ATP13A4: variants seen among roughly 807,000 people sequenced by gnomAD.
The protein encoded by ATP13A4 is probable cation-transporting ATPase 13A4.
In ATP13A4, 114 loss-of-function variants were observed where a neutral mutation model predicts 142.5. The ratio of observed to expected loss-of-function variants is 0.80; its 90% CI spans 0.69 to 0.93. The LOEUF is 0.93. Ranked by LOEUF, ATP13A4 falls within the 40% of genes least tolerant of loss-of-function variation. ATP13A4 has a pLI of 0.00. For synonymous variants in ATP13A4, 488 were observed against 514.8 expected, an observed-to-expected ratio of 0.95 and a Z score of 0.70; for missense variants, 1,392 against 1,454.0, an observed-to-expected ratio of 0.96 and a Z score of 0.69.
chr3:193,446,022 G>C (rs1716932521), intron 18 of ATP13A4, among the ~76,000 whole-genome samples: 1 of 151,964 alleles, frequency 6.6e-6, no homozygotes, highest in African/African-American at 2.4e-5. Flanking sequence ...TCTAAAGCAA[G>C]GCAAGTGGTG....
At chr3:193,549,884 T>C (rs566213845) in intron 1 of ATP13A4, among the ~76,000 whole-genome samples, 2 of 152,302 alleles carry the variant, frequency 1.3e-5, no homozygotes, top group African/African-American at 2.4e-5. Context: ...TTTTTAAGAA[T>C]AGAATTTTTA....
At position 193,421,579 on chromosome 3, in the gene ATP13A4, C is replaced by T. The variant is rs182490996; in HGVS notation, c.2843-6829G>A. Among the ~76,000 whole-genome samples the T allele has an allele frequency of 9.3e-5, 14 of 149,752 alleles. 3 individuals are homozygous for T. The Admixed American group carries it at 9.7e-4, about 10-fold the overall frequency. On this transcript the variant is annotated intron_variant, in intron 25 of 29. Transcript: ENST00000342695. ...CTAGTATGAAGTCTAAAAGCCAAAA[C>T]AGTCAAATATAATAGTAACTACAAT...
intron 2 of ATP13A4, among the ~76,000 whole-genome samples, chr3:193,513,058 T>C (rs921022342): frequency 6.6e-6 from 1 of 152,228 alleles, no homozygotes; most frequent in African/African-American, 2.4e-5. Flanking sequence ...AAATTATAGT[T>C]GAACTTGTGA....
chr3:193,570,774 G>A (rs559052169), intron 2 of ATP13A4, among the ~76,000 whole-genome samples: 3 of 152,072 alleles, frequency 2.0e-5, no homozygotes, highest in Non-Finnish European at 4.4e-5. Flanking sequence ...TGTGGTCAGG[G>A]GAAATTATTT....
intron 1 of ATP13A4, chr3:193,553,366 A>G (rs1723697578): frequency 6.6e-6 from 1 of 152,258 alleles, no homozygotes; most frequent in Admixed American, 6.5e-5. Flanking sequence ...AAATTGTCTG[A>G]GAGCAGAAAG....
intron 2 of ATP13A4, among the ~76,000 whole-genome samples, chr3:193,571,623 C>A (rs529728886): frequency 5.0e-4 from 76 of 152,256 alleles, no homozygotes; most frequent in African/African-American, 1.8e-3. Context: ...CAGTCTTCCT[C>A]CCAAAAACCT....
chr3:193,413,364 T>G (rs893340358), intron 26 of ATP13A4, among the ~76,000 whole-genome samples: 7 of 152,162 alleles, frequency 4.6e-5, no homozygotes, highest in Non-Finnish European at 8.8e-5. Context: ...AAAACATGTG[T>G]GTTTGAACAA....
chr3:193,508,138 A>G (rs1194350825), intron 2 of ATP13A4, among the ~76,000 whole-genome samples: 1 of 152,230 alleles, frequency 6.6e-6, no homozygotes, highest in Non-Finnish European at 1.5e-5. Context: ...TCTTCAAGCC[A>G]GGAAGAGAGG....
chr3:193,407,522 T>C, intron 28 of ATP13A4, 129 bp from the exon 29 acceptor site: 1 of 575,570 alleles, frequency 1.7e-6, no homozygotes, highest in South Asian at 2.1e-5. Context: ...GTATATTACA[T>C]ATATCTTATA....
intron 28 of ATP13A4, among the ~76,000 whole-genome samples, chr3:193,409,219 T>TA (rs946214396): frequency 9.9e-5 from 15 of 152,144 alleles, no homozygotes; most frequent in African/African-American, 3.4e-4. Context: ...TCCATCCTTT[T>TA]AAAAAAAACT....
chr3:193,480,603 G>A (rs1719234815), intron 8 of ATP13A4, among the ~76,000 whole-genome samples: 1 of 152,100 alleles, frequency 6.6e-6, no homozygotes, highest in Non-Finnish European at 1.5e-5. Context: ...TGCAAGAACG[G>A]CCATAATCAA....
At chr3:193,513,513 T>C (rs926642790) in intron 2 of ATP13A4, among the ~76,000 whole-genome samples, 1 of 152,202 alleles carries the variant, frequency 6.6e-6, no homozygotes, top group African/African-American at 2.4e-5. Context: ...CTTCAGCCTG[T>C]CAGCCACCAC....
intron 3 of ATP13A4, among the ~76,000 whole-genome samples, chr3:193,496,159 A>G (rs1720212505): frequency 6.6e-6 from 1 of 152,242 alleles, no homozygotes; most frequent in South Asian, 2.1e-4. Flanking sequence ...AAAGCAATGT[A>G]CAGATTCAAT....
chr3:193,479,942 A>C lies in ATP13A4; in HGVS notation c.808+3994T>G, dbSNP rs540884803. 1.6e-4 allele frequency among the ~76,000 whole-genome samples: 24 copies of C among 152,342 alleles called. No individual in the cohort carries two copies. The East Asian group carries it at 4.2e-3, about 27-fold the overall frequency. Reference sequence around the variant, plus strand: ...GGGATATAGACCAATGGAACACAATAGAGAACTTAGAAATAAAGCCAAACA... The same window carrying C: ...GGGATATAGACCAATGGAACACAATCGAGAACTTAGAAATAAAGCCAAACA... On this transcript the variant is annotated intron_variant, in intron 8 of 29. Coordinates refer to ENST00000342695, the MANE Select transcript of ATP13A4 (RefSeq NM_032279.4).
At chr3:193,445,482 C>T (rs993616580) in intron 18 of ATP13A4, among the ~76,000 whole-genome samples, 11 of 151,238 alleles carry the variant, frequency 7.3e-5, no homozygotes, top group African/African-American at 1.7e-4. Flanking sequence ...ACTGGCTGGG[C>T]GTGGGGACTC....
At chr3:193,531,060 ATCCATC>A (rs1413864050) in intron 1 of ATP13A4, among the ~76,000 whole-genome samples, 21 of 152,074 alleles carry the variant, frequency 1.4e-4, no homozygotes, top group African/African-American at 4.6e-4. Context: ...ACTTCTATTC[ATCCATC>A]AAGATTCCTT....
intron 28 of ATP13A4, among the ~76,000 whole-genome samples, chr3:193,408,698 C>A (rs6768497): frequency 1.3e-5 from 2 of 152,210 alleles, no homozygotes; most frequent in African/African-American, 2.4e-5. Context: ...CTCATTCCTA[C>A]GAGACGTAGA....
chr3:193,462,778 A>T lies in ATP13A4; in HGVS notation c.1507T>A (p.Ser503Thr). 6.2e-7 allele frequency: 1 copy of T among 1,613,960 alleles called. No individual in the cohort carries two copies. Among genetic ancestry groups the T allele is most frequent in the Non-Finnish European group, 8.5e-7 (1 of 1,179,850 alleles). ...RDGLDLWGVVSCDRNGFQEVH... is the reference protein window; with the variant it reads ...RDGLDLWGVVTCDRNGFQEVH... The stretch of plus-strand genomic sequence containing the variant: ...GGTACTCACCCATTCCTATCACAGG[A>T]CACGACTCCCCAGAGGTCCAAGCCG... Residue 503 changes from serine to threonine, a missense_variant, in exon 13 of 30, where the codon TCC becomes ACC. Coordinates refer to ENST00000342695, the MANE Select transcript of ATP13A4 (RefSeq NM_032279.4).
At chr3:193,514,514 G>T (rs1444033518) in intron 2 of ATP13A4, among the ~76,000 whole-genome samples, 184 bp downstream of exon 2, 2 of 151,922 alleles carry the variant, frequency 1.3e-5, no homozygotes, top group Non-Finnish European at 2.9e-5. Context: ...CCATGTCTTT[G>T]CTATTGACCA....
Sources: allele counts gnomAD v4.1 joint callset (sites outside exome capture counted in the v4.1 genomes callset), GRCh38; gene constraint gnomAD v4.1.1; transcripts MANE v1.5; gene names NCBI Gene and HGNC (gene_info 2026-07-23, HGNC 2026-07-21).